Variants in GALNT13 observed in about 807,000 individuals in gnomAD.
The protein encoded by GALNT13 is UDP-GalNAc:polypeptide N-acetylgalactosaminyltransferase 13.
A neutral mutation model predicts 64.2 loss-of-function variants in GALNT13; 28 were observed. The ratio of observed to expected loss-of-function variants is 0.44; its 90% CI spans 0.32 to 0.60. The LOEUF (loss-of-function observed/expected upper bound fraction) is 0.60, where lower values mean the gene tolerates loss of function less well. Ranked by LOEUF, GALNT13 falls within the 20% of genes least tolerant of loss-of-function variation. The pLI, the probability that GALNT13 is intolerant of heterozygous loss-of-function variation, is 0.05. For missense variants in GALNT13, 577 were observed against 669.8 expected (o/e 0.86, Z 1.53); for synonymous variants, 214 against 224.6 (o/e 0.95, Z 0.42).
the GALNT13 span, among the ~76,000 whole-genome samples, chr2:153,095,610 C>A: frequency 0.081 from 12,384 of 152,212 alleles, 655 homozygotes; most frequent in Non-Finnish European, 0.12. Flanking sequence ...CAGCACTATT[C>A]ACAATAGCAA....
At chr2:154,417,265 GA>G (rs1270507570) in intron 11 of GALNT13, among the ~76,000 whole-genome samples, 1 of 79,270 alleles carries the variant, frequency 1.3e-5, no homozygotes, top group Non-Finnish European at 2.5e-5. Context: ...CTCCCAGTTG[GA>G]AAAACAAACA....
At chr2:154,332,947 TACACATC>T (rs1340495228) in intron 9 of GALNT13, among the ~76,000 whole-genome samples, 1 of 152,150 alleles carries the variant, frequency 6.6e-6, no homozygotes, top group Non-Finnish European at 1.5e-5. Context: ...GAAGCTTCCC[TACACATC>T]ATATCTCCTT....
intron 10 of GALNT13, 119 bp downstream of exon 10, chr2:154,396,249 T>C: frequency 1.9e-6 from 1 of 517,672 alleles, no homozygotes; most frequent in Non-Finnish European, 3.2e-6. Flanking sequence ...TTAGATCTGT[T>C]TTAAACAACT....
At chr2:153,268,851 C>A in the GALNT13 span, among the ~76,000 whole-genome samples, 1 of 152,224 alleles carries the variant, frequency 6.6e-6, no homozygotes, top group African/African-American at 2.4e-5. Flanking sequence ...CAACCTGTAT[C>A]CTGGCCCCTT....
chr2:153,685,308 C>CA, the GALNT13 span, among the ~76,000 whole-genome samples: 25 of 151,946 alleles, frequency 1.6e-4, no homozygotes, highest in Non-Finnish European at 3.1e-4. Flanking sequence ...CCTTTTTCTC[C>CA]AAAACCTCAA....
At chr2:153,282,145 A>T in the GALNT13 span, among the ~76,000 whole-genome samples, 1 of 152,040 alleles carries the variant, frequency 6.6e-6, no homozygotes, top group Admixed American at 6.6e-5. Flanking sequence ...TGGGTTTAAA[A>T]TTCTTTCTTC....
the GALNT13 span, among the ~76,000 whole-genome samples, chr2:153,412,253 G>GA: frequency 4.0e-5 from 6 of 151,808 alleles, no homozygotes; most frequent in Non-Finnish European, 8.8e-5. Flanking sequence ...GCCTGGGTTT[G>GA]AAAAAAAAGC....
chr2:153,755,625 A>G, the GALNT13 span, among the ~76,000 whole-genome samples: 1 of 152,100 alleles, frequency 6.6e-6, no homozygotes, highest in Non-Finnish European at 1.5e-5. Flanking sequence ...GTTTTGAGTT[A>G]CTTATATATT....
chr2:153,572,613 G>A, the GALNT13 span, among the ~76,000 whole-genome samples: 1 of 151,828 alleles, frequency 6.6e-6, no homozygotes, highest in Non-Finnish European at 1.5e-5. Context: ...TGCTTTTGCT[G>A]TATCCCATAG....
the GALNT13 span, among the ~76,000 whole-genome samples, chr2:153,138,346 CAG>C: frequency 6.6e-6 from 1 of 151,982 alleles, no homozygotes; most frequent in African/African-American, 2.4e-5. Context: ...TCCGAGTTTG[CAG>C]AGACATAACC....
intron 3 of GALNT13, among the ~76,000 whole-genome samples, chr2:153,980,273 G>C (rs1208824057): frequency 1.3e-5 from 2 of 152,116 alleles, no homozygotes; most frequent in African/African-American, 4.8e-5. Flanking sequence ...ATTATAAACA[G>C]GGAACCTTAA....
chr2:153,101,121 G>A, the GALNT13 span, among the ~76,000 whole-genome samples: 2 of 152,088 alleles, frequency 1.3e-5, no homozygotes, highest in Non-Finnish European at 1.5e-5. Context: ...TATAACTTAT[G>A]TATGCTTATG....
the GALNT13 span, among the ~76,000 whole-genome samples, chr2:153,590,211 A>G: frequency 1.3e-5 from 2 of 152,170 alleles, no homozygotes; most frequent in African/African-American, 4.8e-5. Context: ...ATGAACATAT[A>G]TACACTTATA....
chr2:153,792,981 T>G, the GALNT13 span, among the ~76,000 whole-genome samples: 1 of 148,706 alleles, frequency 6.7e-6, no homozygotes, highest in Admixed American at 6.7e-5. Context: ...TTTTTTTTTT[T>G]TTTTTTTTGA....
intron 11 of GALNT13, among the ~76,000 whole-genome samples, chr2:154,411,668 T>C (rs958753107): frequency 6.6e-6 from 1 of 151,802 alleles, no homozygotes; most frequent in African/African-American, 2.4e-5. Flanking sequence ...ATAGATTGTA[T>C]CTGGCGAGTG....
chr2:153,589,710 A>T, the GALNT13 span, among the ~76,000 whole-genome samples: 5 of 152,294 alleles, frequency 3.3e-5, no homozygotes, highest in African/African-American at 1.2e-4. Flanking sequence ...AACAGAGACA[A>T]CTTAAGCAGG....
chr2:153,410,880 G>C, the GALNT13 span, among the ~76,000 whole-genome samples: 1 of 151,672 alleles, frequency 6.6e-6, no homozygotes, highest in Non-Finnish European at 1.5e-5. Flanking sequence ...TATTTAGAGA[G>C]AGAGAGAGAG....
At chr2:153,653,191 C>T in the GALNT13 span, among the ~76,000 whole-genome samples, 14 of 151,014 alleles carry the variant, frequency 9.3e-5, no homozygotes, top group African/African-American at 3.1e-4. Context: ...GGATAAAATA[C>T]GTTTGTTAGG....
At chr2:153,478,724 C>A in the GALNT13 span, 4 of 640,170 alleles carry the variant, frequency 6.2e-6, no homozygotes, top group Non-Finnish European at 1.1e-5. Context: ...GGGAGTTTCC[C>A]AGGAGCCTCT....
Sources: allele counts gnomAD v4.1 joint callset (sites outside exome capture counted in the v4.1 genomes callset), GRCh38; gene constraint gnomAD v4.1.1; transcripts MANE v1.5; gene names NCBI Gene and HGNC (gene_info 2026-07-23, HGNC 2026-07-21).